CSNK1G3: variants seen among roughly 807,000 people sequenced by gnomAD.
The protein encoded by CSNK1G3 is casein kinase 1 gamma 3, also known as casein kinase I isoform gamma-3.
A neutral mutation model predicts 64.3 loss-of-function variants in CSNK1G3; 23 were observed. The observed-to-expected ratio is 0.36, with a 90% CI of 0.26 to 0.51. CSNK1G3 has a LOEUF of 0.51. Ranked by LOEUF, CSNK1G3 falls within the 20% of genes least tolerant of loss-of-function variation. CSNK1G3 has a pLI of 0.96. For synonymous variants in CSNK1G3, 158 were observed against 162.2 expected (o/e 0.97, Z 0.20); for missense variants, 357 against 510.5 (o/e 0.70, Z 2.90).
intron 10 of CSNK1G3, among the ~76,000 whole-genome samples, chr5:123,600,790 G>C (rs1415506901): frequency 6.6e-6 from 1 of 151,966 alleles, no homozygotes; most frequent in Non-Finnish European, 1.5e-5. Flanking sequence ...ACATCTTTTG[G>C]AATTGGATTT....
chr5:123,525,364 T>C (rs953190275), intron 1 of CSNK1G3, among the ~76,000 whole-genome samples: 3 of 150,600 alleles, frequency 2.0e-5, no homozygotes, highest in Non-Finnish European at 4.4e-5. Context: ...CAGGTTGGAG[T>C]GCAGTGGTGC....
chr5:123,527,998 GTTGT>G (rs1779361137), intron 1 of CSNK1G3, among the ~76,000 whole-genome samples: 1 of 152,094 alleles, frequency 6.6e-6, no homozygotes, highest in African/African-American at 2.4e-5. Context: ...TGAGGATAAA[GTTGT>G]TTGTCTTCCT....
intron 10 of CSNK1G3, among the ~76,000 whole-genome samples, chr5:123,603,175 T>C (rs57143793): frequency 9.9e-5 from 15 of 152,144 alleles, no homozygotes; most frequent in African/African-American, 3.6e-4. Context: ...ATAACTCTTA[T>C]TAGAGTTCTT....
intron 6 of CSNK1G3, among the ~76,000 whole-genome samples, chr5:123,578,991 C>G (rs1473790550): frequency 6.6e-6 from 1 of 151,918 alleles, no homozygotes; most frequent in Admixed American, 6.6e-5. Flanking sequence ...AACAGATAGA[C>G]AGAAATGTGA....
chr5:123,584,873 ATTC>A (rs1791016937), intron 6 of CSNK1G3, among the ~76,000 whole-genome samples: 1 of 152,082 alleles, frequency 6.6e-6, no homozygotes, highest in Non-Finnish European at 1.5e-5. Flanking sequence ...GTTTCGTAGT[ATTC>A]TTTTATCATT....
chr5:123,534,333 A>G (rs992049294), intron 1 of CSNK1G3, among the ~76,000 whole-genome samples: 1 of 152,056 alleles, frequency 6.6e-6, no homozygotes, highest in African/African-American at 2.4e-5. Flanking sequence ...CTTTTGTTTA[A>G]TTCTATGTTC....
At chr5:123,588,309 T>G in intron 7 of CSNK1G3, 118 bp from the exon 8 acceptor site, 2 of 1,048,570 alleles carry the variant, frequency 1.9e-6, no homozygotes, top group Non-Finnish European at 2.9e-6. Context: ...ACTCCTGGGC[T>G]CAAGCATTCC....
intron 3 of CSNK1G3, among the ~76,000 whole-genome samples, chr5:123,553,817 C>T (rs1317287828): frequency 1.3e-5 from 2 of 152,198 alleles, no homozygotes; most frequent in Non-Finnish European, 2.9e-5. Flanking sequence ...AGCCAGGTTT[C>T]CCTGTTTCAT....
At chr5:123,596,152 C>T (rs1793402814) in intron 10 of CSNK1G3, among the ~76,000 whole-genome samples, 3 of 151,948 alleles carry the variant, frequency 2.0e-5, no homozygotes, top group Non-Finnish European at 4.4e-5. Flanking sequence ...TTTTTCTCAT[C>T]ATTAAATTTT....
intron 1 of CSNK1G3, among the ~76,000 whole-genome samples, chr5:123,515,670 C>T (rs1777020131): frequency 6.6e-6 from 1 of 152,036 alleles, no homozygotes; most frequent in African/African-American, 2.4e-5. Flanking sequence ...TTTATAAATG[C>T]AAGTAAAATC....
chr5:123,534,178 A>G (rs1780426828), intron 1 of CSNK1G3, among the ~76,000 whole-genome samples: 1 of 152,084 alleles, frequency 6.6e-6, no homozygotes. Flanking sequence ...AGGCAATTAT[A>G]AAACTGCATA....
At chr5:123,562,525 A>T (rs376319614) in intron 4 of CSNK1G3, among the ~76,000 whole-genome samples, 2 of 152,042 alleles carry the variant, frequency 1.3e-5, no homozygotes, top group South Asian at 4.1e-4. Flanking sequence ...ATAATCTTCA[A>T]ATTTCCTATA....
chr5:123,588,085 G>T, exon 7 of CSNK1G3: 2 of 1,579,004 alleles, frequency 1.3e-6, no homozygotes, highest in East Asian at 2.3e-5. Context: ...TAGAAGAGAC[G>T]ATTTAGAAGC....
At chr5:123,516,832 T>C (rs1231667059) in intron 1 of CSNK1G3, among the ~76,000 whole-genome samples, 1 of 152,224 alleles carries the variant, frequency 6.6e-6, no homozygotes, top group Non-Finnish European at 1.5e-5. Flanking sequence ...GTTTTTTTTC[T>C]CTAGGTTAGT....
chr5:123,595,675 T>C (rs1793303079), intron 10 of CSNK1G3, among the ~76,000 whole-genome samples: 1 of 152,118 alleles, frequency 6.6e-6, no homozygotes. Context: ...AAGAAGTGTT[T>C]ATTAAATACT....
intron 1 of CSNK1G3, among the ~76,000 whole-genome samples, chr5:123,524,014 C>T (rs930616531): frequency 2.6e-5 from 4 of 152,212 alleles, no homozygotes; most frequent in African/African-American, 9.7e-5. Context: ...ACATGTTTGA[C>T]TGCCAGAATG....
chr5:123,582,958 A>G lies in CSNK1G3; in HGVS notation c.674-5110A>G, dbSNP rs1344664309. ...AGAGCATTTCAGACTGAGTTTCAGT[A>G]ATAGATTTGTTTTACTAGCTAATAT... On this transcript the variant is annotated intron_variant, in intron 6 of 12. Transcript: ENST00000345990. Among the ~76,000 whole-genome samples, 7 of 152,348 alleles carry G rather than the reference A, an allele frequency of 4.6e-5. No individual in the cohort carries two copies. The East Asian group carries it at 1.2e-3, about 25-fold the overall frequency.
chr5:123,551,802 A>C (rs1333998214), intron 2 of CSNK1G3, among the ~76,000 whole-genome samples: 1 of 152,142 alleles, frequency 6.6e-6, no homozygotes, highest in Non-Finnish European at 1.5e-5. Context: ...AAAAAACCCC[A>C]AAAAACTATC....
intron 1 of CSNK1G3, among the ~76,000 whole-genome samples, chr5:123,533,538 AT>A (rs1224457029): frequency 6.6e-6 from 1 of 151,126 alleles, no homozygotes; most frequent in Non-Finnish European, 1.5e-5. Context: ...CTCCCTATTA[AT>A]TTTTATTATT....
Sources: gnomAD v4.1 joint callset for allele counts (sites outside exome capture counted in the v4.1 genomes callset) on GRCh38, gnomAD v4.1.1 for gene constraint, MANE v1.5 for transcripts, NCBI Gene and HGNC (gene_info 2026-07-23, HGNC 2026-07-21) for gene names.